Variants in ZNF254 observed in about 807,000 individuals in gnomAD.
The protein encoded by ZNF254 is zinc finger protein 254.
Under a neutral mutation model 12.4 loss-of-function variants are expected in ZNF254, and 10 were observed. That is an observed-to-expected ratio of 0.80 (90% CI 0.50 to 1.36). The LOEUF is 1.36. Ranked by LOEUF, ZNF254 falls within the 40% of genes most tolerant of loss-of-function variation. The pLI, the probability that ZNF254 is intolerant of heterozygous loss-of-function variation, is 0.00. For synonymous variants in ZNF254, 305 were observed against 253.4 expected, an observed-to-expected ratio of 1.20 and a Z score of -1.93; for missense variants, 996 against 763.9, an observed-to-expected ratio of 1.30 and a Z score of -3.58.
intron 3 of ZNF254, chr19:24,107,005 C>T: frequency 2.2e-6 from 1 of 450,814 alleles, no homozygotes; most frequent in Non-Finnish European, 3.9e-6. Flanking sequence ...TCTCTTTTTG[C>T]ATCATGTCTG....
rs976861976 is a variant in ZNF254, at chr19:24,128,059, TGA to T, written c.*85_*86del. On this transcript the variant is annotated 3_prime_UTR_variant, in exon 4 of 4. Coordinates refer to ENST00000357002, the MANE Select transcript of ZNF254 (RefSeq NM_203282.4). The stretch of plus-strand genomic sequence containing the variant: ...TCCTACTGGAGAGAAACTACAAACC[TGA>T]GAGAGGCGCTAATGCTTTTGACAGT... 1.2e-5 allele frequency: 16 copies of T among 1,384,996 alleles called. 1 individual carries two copies. The Admixed American group carries it at 3.0e-4, about 26-fold the overall frequency. 85.8% of individuals were successfully genotyped at this position (1,384,996 alleles called of 1,614,324 possible). A position where few individuals can be genotyped will look rare whatever the true frequency, so the allele number is the denominator to read the frequency against.
intron 2 of ZNF254, 178 bp from the exon 3 acceptor site, chr19:24,106,370 A>G: frequency 1.9e-6 from 1 of 539,492 alleles, no homozygotes; most frequent in South Asian, 2.6e-5. Flanking sequence ...CCAGGCAGTG[A>G]AATTAAGAAC....
chr19:24,067,776 T>C (rs1480488601), intron 2 of ZNF254, among the ~76,000 whole-genome samples: 2 of 151,710 alleles, frequency 1.3e-5, no homozygotes, highest in Non-Finnish European at 2.9e-5. Flanking sequence ...TGGGACTCTT[T>C]TCTCTTGCCT....
chr19:24,036,198 G>T (rs1006006540), intron 1 of ZNF254, among the ~76,000 whole-genome samples: 1 of 152,006 alleles, frequency 6.6e-6, no homozygotes, highest in African/African-American at 2.4e-5. Flanking sequence ...GAGTAGCTGG[G>T]ACTATAGGCG....
chr19:24,088,567 G>A (rs1219050976), intron 1 of ZNF254, among the ~76,000 whole-genome samples: 1 of 152,058 alleles, frequency 6.6e-6, no homozygotes, highest in East Asian at 1.9e-4. Flanking sequence ...ATTCCCAAAT[G>A]CCAATGTCCC....
intron 3 of ZNF254, among the ~76,000 whole-genome samples, chr19:24,117,601 C>A (rs533728071): frequency 2.6e-5 from 4 of 152,252 alleles, no homozygotes; most frequent in Admixed American, 2.0e-4. Context: ...GTCTGTCACC[C>A]CTTTCTTTGA....
At chr19:24,075,313 CATATCTCT>C (rs1971618746) in intron 2 of ZNF254, among the ~76,000 whole-genome samples, 2 of 152,136 alleles carry the variant, frequency 1.3e-5, no homozygotes, top group South Asian at 4.1e-4. Flanking sequence ...GGCTTTGTGA[CATATCTCT>C]ATCAGGGGAA....
intron 2 of ZNF254, among the ~76,000 whole-genome samples, chr19:24,048,242 G>A (rs1970483332): frequency 6.6e-6 from 1 of 152,056 alleles, no homozygotes. Flanking sequence ...CAAAGCTTAG[G>A]AAGGAAGGTC....
chr19:24,044,889 A>G (rs1599578921), intron 1 of ZNF254, among the ~76,000 whole-genome samples: 1 of 152,336 alleles, frequency 6.6e-6, no homozygotes, highest in East Asian at 1.9e-4. Flanking sequence ...AGGAGTAAAA[A>G]TACCTGAACC....
intron 3 of ZNF254, among the ~76,000 whole-genome samples, chr19:24,124,912 G>A (rs1247422974): frequency 6.6e-6 from 1 of 152,006 alleles, no homozygotes; most frequent in Non-Finnish European, 1.5e-5. Context: ...AGCCTCCTGA[G>A]TAGCTGGGAT....
At position 24,055,232 on chromosome 19, in the gene ZNF254, A is replaced by AAAAAAAAAAAAAAG. The variant is rs1555753129; in HGVS notation, c.-94+8953_-94+8954insAAAAAAAAAAAAAG. Among the ~76,000 whole-genome samples the AAAAAAAAAAAAAAG allele has an allele frequency of 5.8e-3, 715 of 122,606 alleles. 64 individuals carry two copies. Among genetic ancestry groups the AAAAAAAAAAAAAAG allele is most frequent in the Non-Finnish European group, 9.6e-3 (530 of 55,420 alleles). The allele number at this position is 122,606 out of a possible 152,430, so 80.4% of individuals were successfully genotyped here. ...AAAAAAAAAAAAAAAAAAAAAAAAA[A>AAAAAAAAAAAAAAG]GAGTGTACTAACAAGACCCAGCACA... On this transcript the variant is annotated intron_variant, in intron 2 of 4. Coordinates refer to the ZNF254 transcript ENST00000613065.
intron 1 of ZNF254, among the ~76,000 whole-genome samples, chr19:24,095,352 T>C (rs1293701457): frequency 6.6e-6 from 1 of 152,184 alleles, no homozygotes; most frequent in Admixed American, 6.5e-5. Context: ...TTTTTTTGTT[T>C]GTTTTATCTT....
chr19:24,052,123 C>T (rs1482425796), intron 2 of ZNF254, among the ~76,000 whole-genome samples: 1 of 152,140 alleles, frequency 6.6e-6, no homozygotes, highest in Admixed American at 6.5e-5. Flanking sequence ...TGACTCTTCT[C>T]TATGGTTTGG....
At chr19:24,113,962 A>G (rs1973871903) in intron 3 of ZNF254, among the ~76,000 whole-genome samples, 1 of 152,096 alleles carries the variant, frequency 6.6e-6, no homozygotes, top group Non-Finnish European at 1.5e-5. Context: ...TAGGAATCCA[A>G]CTTACAAGGG....
At chr19:24,047,440 AT>A (rs1970437221) in intron 2 of ZNF254, among the ~76,000 whole-genome samples, 1 of 145,400 alleles carries the variant, frequency 6.9e-6, no homozygotes, top group African/African-American at 2.6e-5. Flanking sequence ...TAAATTTTTT[AT>A]TTCTTGTAGT....
chr19:24,049,837 C>T (rs879445848), intron 2 of ZNF254, among the ~76,000 whole-genome samples: 3 of 151,986 alleles, frequency 2.0e-5, no homozygotes, highest in Non-Finnish European at 4.4e-5. Context: ...ATCCATCACA[C>T]AGGTAATGCA....
At chr19:24,041,843 A>G (rs552325171) in intron 1 of ZNF254, among the ~76,000 whole-genome samples, 1 of 152,186 alleles carries the variant, frequency 6.6e-6, no homozygotes, top group Non-Finnish European at 1.5e-5. Context: ...ACCAATCAGC[A>G]CCCTGTGTTT....
intron 2 of ZNF254, chr19:24,063,983 T>TG (rs1440482505): frequency 6.6e-6 from 1 of 152,218 alleles, no homozygotes; most frequent in Non-Finnish European, 1.5e-5. Context: ...ATTCCTCTTC[T>TG]GCCTGGGCCA....
Position 24,087,477 on chromosome 19 carries a change from T to G in ZNF254, c.30+140T>G, listed in dbSNP as rs1972098331. ...GCTCGACCTCAGTCCCCTTCAGAAATAAGATGGCGGCTGCGCTGACAGCCA... is the reference window on the plus strand; with the variant it reads ...GCTCGACCTCAGTCCCCTTCAGAAAGAAGATGGCGGCTGCGCTGACAGCCA... On this transcript the variant is annotated intron_variant, in intron 1 of 3. Transcript: ENST00000357002. 3 of 1,089,906 alleles carry G rather than the reference T, an allele frequency of 2.8e-6. No homozygotes were observed. In the East Asian group the frequency reaches 7.4e-5, roughly 27 times the overall value. 67.5% of individuals were successfully genotyped at this position (1,089,906 alleles called of 1,614,324 possible).
Sources: gnomAD v4.1 joint callset for allele counts (sites outside exome capture counted in the v4.1 genomes callset) on GRCh38, gnomAD v4.1.1 for gene constraint, MANE v1.5 for transcripts, NCBI Gene and HGNC (gene_info 2026-07-23, HGNC 2026-07-21) for gene names.